Variants in PCDHGA8 observed in about 807,000 individuals in gnomAD.
PCDHGA8 encodes protocadherin gamma-A8.
PCDHGA8 carries 45 observed loss-of-function variants against 59.2 expected under a neutral mutation model. The observed-to-expected ratio is 0.76, with a 90% CI of 0.60 to 0.98. The LOEUF is 0.98. PCDHGA8 is among the 50% of genes least tolerant of loss of function. The pLI is 0.00. For synonymous variants in PCDHGA8, 531 were observed against 519.0 expected (o/e 1.02, Z -0.32); for missense variants, 1,257 against 1,196.2 (o/e 1.05, Z -0.75).
At chr5:141,423,471 G>A in intron 1 of PCDHGA8, 1 of 1,614,052 alleles carries the variant, frequency 6.2e-7, no homozygotes, top group South Asian at 1.1e-5. Context: ...ACGGGGTACA[G>A]GCTTTCCTGC....
At chr5:141,438,249 A>G (rs1166079222) in intron 1 of PCDHGA8, among the ~76,000 whole-genome samples, 2 of 152,168 alleles carry the variant, frequency 1.3e-5, no homozygotes, top group Non-Finnish European at 2.9e-5. Context: ...AAAAACTGTC[A>G]TTGAAGAGAC....
chr5:141,419,007 GGT>G (rs1181124538), intron 1 of PCDHGA8: 1 of 1,613,978 alleles, frequency 6.2e-7, no homozygotes, highest in South Asian at 1.1e-5. Flanking sequence ...GGGGAAGTCA[GGT>G]GTAGCTTAAG....
chr5:141,468,351 A>T (rs1030472813), intron 1 of PCDHGA8: 1 of 149,190 alleles, frequency 6.7e-6, no homozygotes, highest in East Asian at 2.0e-4. Flanking sequence ...AAAAAAAAAG[A>T]AAGAAAAAAG....
At chr5:141,405,218 G>C in intron 1 of PCDHGA8, 3 of 1,613,986 alleles carry the variant, frequency 1.9e-6, no homozygotes, top group Non-Finnish European at 2.5e-6. Context: ...CTATTCTCAG[G>C]AGTTCTCCCT....
chr5:141,451,284 G>A (rs950768919), intron 1 of PCDHGA8, among the ~76,000 whole-genome samples: 1 of 152,186 alleles, frequency 6.6e-6, no homozygotes. Context: ...GAGTGCCTCT[G>A]CCTCAAAGTC....
chr5:141,445,389 C>T (rs1484183450), intron 1 of PCDHGA8, among the ~76,000 whole-genome samples: 1 of 152,174 alleles, frequency 6.6e-6, no homozygotes, highest in Non-Finnish European at 1.5e-5. Flanking sequence ...CATTCATTTA[C>T]ATAACAAATA....
chr5:141,397,835 T>G (rs1483046343), intron 1 of PCDHGA8, among the ~76,000 whole-genome samples: 1 of 152,238 alleles, frequency 6.6e-6, no homozygotes, highest in Admixed American at 6.5e-5. Context: ...CTGGTTAACT[T>G]GAAGCCGCAG....
At position 141,491,150 on chromosome 5, in the gene PCDHGA8, A is replaced by G; in HGVS notation, c.2425-3657A>G. On this transcript the variant is annotated intron_variant, in intron 1 of 3. Coordinates refer to ENST00000398604, the MANE Select transcript of PCDHGA8 (RefSeq NM_032088.2). This position sits in a 1 kb window ranked among gnomAD's most constrained non-coding sequence, Gnocchi z 6.9. ...CGCACAGCCCGGGCCTTACTGGAGG[A>G]TGACTCTGACACCCAGCAGGTGGTG... is the stretch of plus-strand genomic sequence containing the variant. 1 of 1,614,122 alleles carries G rather than the reference A, an allele frequency of 6.2e-7. No individual in the cohort carries two copies. Among genetic ancestry groups the G allele is most frequent in the African/African-American group, 1.3e-5 (1 of 75,060 alleles).
intron 1 of PCDHGA8, among the ~76,000 whole-genome samples, chr5:141,406,193 C>T (rs2094777569): frequency 1.3e-5 from 2 of 151,820 alleles, no homozygotes. Flanking sequence ...CCACCTCAGC[C>T]TTCACAGTAG....
chr5:141,510,510 G>A (rs1042950478), intron 3 of PCDHGA8, among the ~76,000 whole-genome samples: 5 of 152,132 alleles, frequency 3.3e-5, no homozygotes, highest in Non-Finnish European at 5.9e-5. Context: ...CTGAGAGCCC[G>A]TGTCACAGCC....
chr5:141,494,237 G>A (rs555725765), intron 1 of PCDHGA8, among the ~76,000 whole-genome samples: 3 of 152,312 alleles, frequency 2.0e-5, no homozygotes, highest in East Asian at 3.9e-4. Flanking sequence ...AATTAATAAT[G>A]TATTTAGCTG....
chr5:141,433,408 A>ATCTATCT (rs1413347413), intron 1 of PCDHGA8, among the ~76,000 whole-genome samples: 44 of 127,346 alleles, frequency 3.5e-4, no homozygotes, highest in African/African-American at 1.2e-3. Context: ...TCTATCTATT[A>ATCTATCT]CTTTCTTGTA....
intron 3 of PCDHGA8, among the ~76,000 whole-genome samples, chr5:141,509,211 C>T (rs962706371): frequency 2.0e-5 from 3 of 152,180 alleles, no homozygotes; most frequent in African/African-American, 4.8e-5. Context: ...CTCTCTATTT[C>T]TCAATCCCTG....
Position 141,485,291 on chromosome 5 carries a change from CAGGA to C in PCDHGA8, c.2425-9512_2425-9509del. ...CCGCTACCCGGTCCCAGAGGAGTCA[CAGGA>C]AGGGACTTTTGTAGGGAATGTCGCT... On this transcript the variant is annotated intron_variant, in intron 1 of 3. Transcript: ENST00000398604. The surrounding 1 kb of genome is among the most constrained non-coding windows in gnomAD (Gnocchi z 5.7). 1 of 1,614,152 alleles carries C rather than the reference CAGGA, an allele frequency of 6.2e-7. No individual in the cohort carries two copies. Among genetic ancestry groups the C allele is most frequent in the Non-Finnish European group, 8.5e-7 (1 of 1,179,992 alleles).
In PCDHGA8 at chr5:141,414,483, A is replaced by G. The variant is rs756254490; in HGVS notation, c.2424+19246A>G. 20 of 1,613,826 alleles carry G rather than the reference A, an allele frequency of 1.2e-5. No homozygotes were observed. In the Admixed American group the frequency reaches 1.8e-4, roughly 15 times the overall value. ...CCACAGATGGGGGAAGTCCTCCTCT[A>G]TCAACGGAAGCTCACTTTATGCTAC... On this transcript the variant is annotated intron_variant, in intron 1 of 3. Transcript: ENST00000398604.
rs745354934 is a variant in PCDHGA8 at position 141,393,048 on chromosome 5, C to A, written c.235C>A (p.Pro79Thr). The stretch of plus-strand genomic sequence containing the variant: ...TAGGACGCAGCTCTTTGCTCTGAAC[C>A]CGCGCAGCGGCAGCTTGATCACCGC... ...RGRTQLFALN[P>T]RSGSLITAGR... Residue 79 changes from proline (P) to threonine (T), a missense_variant, in exon 1 of 4, where the codon CCG becomes ACG. Physicochemically the swap from Pro to Thr is conservative, Grantham distance 38. Transcript: ENST00000398604. 3.7e-6 allele frequency: 6 copies of A among 1,613,672 alleles called. No homozygotes were observed. The highest frequency in any genetic ancestry group is 5.1e-6 in the Non-Finnish European group (6 of 1,179,886).
intron 3 of PCDHGA8, among the ~76,000 whole-genome samples, chr5:141,509,277 T>TC (rs566266970): frequency 0.011 from 1,653 of 152,240 alleles, 22 homozygotes; most frequent in Non-Finnish European, 0.018. Context: ...CGCTACCCGC[T>TC]CCCAGGGTCC....
chr5:141,398,803 A>C (rs551301850), intron 1 of PCDHGA8: 2 of 1,613,960 alleles, frequency 1.2e-6, no homozygotes, highest in African/African-American at 2.7e-5. Context: ...AAGCGGCACC[A>C]CTGAGCTCCG....
At chr5:141,398,670 A>T in intron 1 of PCDHGA8, 1 of 1,613,830 alleles carries the variant, frequency 6.2e-7, no homozygotes, top group Non-Finnish European at 8.5e-7. Flanking sequence ...TCTCATTAAT[A>T]ATTAAGGAGA....
Sources: allele counts gnomAD v4.1 joint callset (sites outside exome capture counted in the v4.1 genomes callset), GRCh38; gene constraint gnomAD v4.1.1; non-coding constraint Gnocchi (gnomAD v3.1); transcripts MANE v1.5; gene names NCBI Gene and HGNC (gene_info 2026-07-23, HGNC 2026-07-21).